Variants in ZNF804B observed in about 807,000 individuals in gnomAD.
The protein encoded by ZNF804B is zinc finger 804B.
Under a neutral mutation model 101.4 loss-of-function variants are expected in ZNF804B, and 80 were observed. The observed-to-expected ratio is 0.79, with a 90% confidence interval of 0.66 to 0.95. ZNF804B has a LOEUF of 0.95. ZNF804B is among the 40% of genes least tolerant of loss of function. The pLI is 0.00. For missense variants in ZNF804B, 1,673 were observed against 1,561.9 expected (o/e 1.07, Z -1.20); for synonymous variants, 622 against 558.8 (o/e 1.11, Z -1.59).
At chr7:88,895,462 G>A (rs1792271231) in intron 1 of ZNF804B, among the ~76,000 whole-genome samples, 1 of 152,306 alleles carries the variant, frequency 6.6e-6, no homozygotes, top group East Asian at 1.9e-4. Flanking sequence ...GTGCTAGTAT[G>A]CATGTGAGTT....
intron 1 of ZNF804B, among the ~76,000 whole-genome samples, chr7:88,785,240 G>A (rs969803587): frequency 1.3e-5 from 2 of 152,008 alleles, no homozygotes; most frequent in African/African-American, 4.8e-5. Context: ...TTAGGGAATG[G>A]CATCTTCACC....
intron 2 of ZNF804B, among the ~76,000 whole-genome samples, chr7:89,218,778 A>G (rs71557035): frequency 0.045 from 6,838 of 152,234 alleles, 147 homozygotes; most frequent in South Asian, 0.072. Flanking sequence ...AAGCCAGAGA[A>G]AAGAAAATGT....
chr7:88,798,264 C>A (rs932782340), intron 1 of ZNF804B, among the ~76,000 whole-genome samples: 3 of 152,034 alleles, frequency 2.0e-5, no homozygotes, highest in African/African-American at 7.2e-5. Flanking sequence ...CCTTTTATTT[C>A]ATATATCTAG....
chr7:88,765,290 A>G (rs1386073215), intron 1 of ZNF804B, among the ~76,000 whole-genome samples: 3 of 152,182 alleles, frequency 2.0e-5, no homozygotes, highest in African/African-American at 7.2e-5. Context: ...GAACTAAAAT[A>G]AAAATGAAAC....
rs915298289 is a variant in ZNF804B at position 89,333,632 on chromosome 7, C to A, written c.650C>A (p.Thr217Lys). 1 of 1,613,578 alleles carries A rather than the reference C, an allele frequency of 6.2e-7. No individual in the cohort carries two copies. Residue 217 changes from threonine (T) to lysine (K), a missense_variant, in exon 4 of 4, where the codon ACA becomes AAA. Transcript: ENST00000333190. ...GATCTCAGCAATGCAAATCACAGAA[C>A]AGGAGTATCATTTACTTTTTCCAAA... is the stretch of plus-strand genomic sequence containing the variant. The part of the protein sequence containing the change: ...SSDLSNANHR[T>K]GVSFTFSKKV...
At chr7:88,999,095 T>C (rs1788243385) in intron 1 of ZNF804B, among the ~76,000 whole-genome samples, 1 of 152,062 alleles carries the variant, frequency 6.6e-6, no homozygotes, top group African/African-American at 2.4e-5. Context: ...AAAACATTAT[T>C]AGAGTAACAT....
At chr7:89,052,614 C>A (rs1463194482) in intron 1 of ZNF804B, among the ~76,000 whole-genome samples, 2 of 152,090 alleles carry the variant, frequency 1.3e-5, no homozygotes, top group Non-Finnish European at 2.9e-5. Context: ...GGTACAAAAA[C>A]ATTGAATGGC....
intron 1 of ZNF804B, among the ~76,000 whole-genome samples, chr7:89,145,520 C>A (rs927667475): frequency 7.2e-5 from 11 of 152,130 alleles, no homozygotes; most frequent in African/African-American, 2.2e-4. Context: ...AGAGCAGACT[C>A]AAACAATTCT....
chr7:89,148,759 A>G (rs888865818), intron 1 of ZNF804B, among the ~76,000 whole-genome samples: 1 of 152,132 alleles, frequency 6.6e-6, no homozygotes, highest in East Asian at 1.9e-4. Flanking sequence ...GAGAGACAAT[A>G]CCTAGAAAAT....
Position 88,794,337 on chromosome 7 carries a change from T to G in ZNF804B, c.108+34253T>G, listed in dbSNP as rs769341253. ...CTGGGAGGAGTAGGTCAGGTGCAAC[T>G]TGGTGTAAGTTATCGCCTGGTCCTT... On this transcript the variant is annotated intron_variant, in intron 1 of 3. Transcript: ENST00000333190. 35 of 1,613,812 alleles carry G rather than the reference T, an allele frequency of 2.2e-5. No homozygotes were observed. The African/African-American group carries it at 4.4e-4, about 20-fold the overall frequency.
At chr7:88,796,282 A>C (rs762336846) in intron 1 of ZNF804B, among the ~76,000 whole-genome samples, 36 of 152,166 alleles carry the variant, frequency 2.4e-4, no homozygotes, top group Non-Finnish European at 4.7e-4. Flanking sequence ...TGTATTATCC[A>C]AACTAATGAT....
chr7:89,167,031 T>C (rs967797378), intron 1 of ZNF804B, among the ~76,000 whole-genome samples: 2 of 152,178 alleles, frequency 1.3e-5, no homozygotes, highest in Non-Finnish European at 2.9e-5. Flanking sequence ...ATATTTTAAA[T>C]GATAAAATAG....
chr7:89,337,190 CAA>C lies in ZNF804B; in HGVS notation c.*159_*160del, dbSNP rs996458356. On this transcript the variant is annotated 3_prime_UTR_variant, in exon 4 of 4. Coordinates refer to ENST00000333190, the MANE Select transcript of ZNF804B (RefSeq NM_181646.5). ...ATGATCTGAATTGCTAATACTAAAA[CAA>C]GAGCATTTTAATAATTTTTTAGCTT... The C allele has an allele frequency of 9.1e-5, 72 of 792,622 alleles. 1 individual carries two copies. Among genetic ancestry groups the C allele is most frequent in the East Asian group, 5.0e-4 (18 of 35,970 alleles). 49.1% of individuals were successfully genotyped at this position (792,622 alleles called of 1,614,324 possible). A position where few individuals can be genotyped will look rare whatever the true frequency, so the allele number is the denominator to read the frequency against.
At chr7:88,832,360 G>A (rs1213385521) in intron 1 of ZNF804B, among the ~76,000 whole-genome samples, 2 of 151,926 alleles carry the variant, frequency 1.3e-5, no homozygotes, top group Non-Finnish European at 2.9e-5. Flanking sequence ...TTTTAAAGAT[G>A]CAGACAACCA....
At chr7:89,120,721 A>G (rs1790392354) in intron 1 of ZNF804B, among the ~76,000 whole-genome samples, 1 of 151,876 alleles carries the variant, frequency 6.6e-6, no homozygotes. Context: ...CTTATGTCCA[A>G]TGAATTGGTT....
chr7:89,065,167 T>C (rs545995138), intron 1 of ZNF804B, among the ~76,000 whole-genome samples: 147 of 152,238 alleles, frequency 9.7e-4, no homozygotes, highest in African/African-American at 3.4e-3. Context: ...CTCTAGGTCA[T>C]GTGAGCAAGT....
chr7:89,335,430 AT>A lies in ZNF804B; in HGVS notation c.2452del (p.Ser818GlnfsTer3), dbSNP rs1562744397. 28 of 1,613,844 alleles carry A rather than the reference AT, an allele frequency of 1.7e-5. No homozygotes were observed. Among genetic ancestry groups the A allele is most frequent in the Non-Finnish European group, 2.4e-5 (28 of 1,179,922 alleles). ...AAAAACTGGGCAAAAATCAACAACA[AT>A]TTTCAGGGCTAAAATCTACGAGAAT... ...RQKLGKNQQQ[F>X]SGLKSTRIIY... On this transcript the variant is annotated frameshift_variant, in exon 4 of 4. Coordinates refer to ENST00000333190, the MANE Select transcript of ZNF804B (RefSeq NM_181646.5). LOFTEE classifies it high-confidence loss of function.
chr7:89,169,016 A>G (rs1489474969), intron 1 of ZNF804B, among the ~76,000 whole-genome samples: 1 of 152,144 alleles, frequency 6.6e-6, no homozygotes, highest in Non-Finnish European at 1.5e-5. Flanking sequence ...GCCATGGGTC[A>G]AAGAAGAGAA....
At chr7:88,924,882 A>G (rs1037585274) in intron 1 of ZNF804B, among the ~76,000 whole-genome samples, 1 of 152,190 alleles carries the variant, frequency 6.6e-6, no homozygotes. Flanking sequence ...TACACAGTAA[A>G]TACATATTTA....
Sources: gnomAD v4.1 joint callset for allele counts (sites outside exome capture counted in the v4.1 genomes callset) on GRCh38, gnomAD v4.1.1 for gene constraint, MANE v1.5 for transcripts, NCBI Gene and HGNC (gene_info 2026-07-23, HGNC 2026-07-21) for gene names.